Variants in JAKMIP1 observed in about 807,000 individuals in gnomAD.
JAKMIP1 encodes janus kinase and microtubule interacting protein 1, also known as janus kinase and microtubule-interacting protein 1.
Under a neutral mutation model 113.0 loss-of-function variants are expected in JAKMIP1, and 33 were observed. That is an observed-to-expected ratio of 0.29 (90% CI 0.22 to 0.39). The LOEUF (loss-of-function observed/expected upper bound fraction) is 0.39. Among genes scored for constraint, JAKMIP1 ranks in the 10% least tolerant of loss-of-function variants. The pLI is 1.00. For missense variants in JAKMIP1, 813 were observed against 1,080.5 expected (o/e 0.75, Z 3.47); for synonymous variants, 480 against 459.9 (o/e 1.04, Z -0.56).
intron 1 of JAKMIP1, among the ~76,000 whole-genome samples, chr4:6,126,559 C>T (rs1370345811): frequency 6.7e-6 from 1 of 148,888 alleles, no homozygotes; most frequent in Non-Finnish European, 1.5e-5. Context: ...AAACACACAC[C>T]ATGCAGAAAC....
At chr4:6,054,599 C>T (rs545235111) in intron 12 of JAKMIP1, 34 of 381,210 alleles carry the variant, frequency 8.9e-5, no homozygotes, top group Non-Finnish European at 1.6e-4. Flanking sequence ...GCAGGGAGGG[C>T]CCCTCCTGCT....
At chr4:6,103,480 G>T (rs545147929) in intron 3 of JAKMIP1, among the ~76,000 whole-genome samples, 6 of 152,286 alleles carry the variant, frequency 3.9e-5, no homozygotes, top group South Asian at 2.1e-4. Flanking sequence ...ATCCTGTAAT[G>T]TTATTGCTTT....
chr4:6,195,169 G>A (rs561736867), intron 1 of JAKMIP1, among the ~76,000 whole-genome samples: 6 of 152,318 alleles, frequency 3.9e-5, no homozygotes, highest in East Asian at 1.9e-4. Flanking sequence ...TGGCAGAGCC[G>A]GTGCTCAAAC....
intron 2 of JAKMIP1, among the ~76,000 whole-genome samples, chr4:6,110,499 G>A (rs920217844): frequency 2.0e-5 from 3 of 150,662 alleles, no homozygotes; most frequent in Non-Finnish European, 4.4e-5. Flanking sequence ...CCAGCCCTTG[G>A]CTTGCTCACC....
intron 1 of JAKMIP1, among the ~76,000 whole-genome samples, chr4:6,182,322 T>C (rs1338907112): frequency 1.4e-5 from 2 of 147,818 alleles, no homozygotes; most frequent in African/African-American, 5.0e-5. Flanking sequence ...GGTGGGAGGA[T>C]CACTTGAGCC....
At chr4:6,098,700 G>T (rs1712411879) in intron 3 of JAKMIP1, among the ~76,000 whole-genome samples, 1 of 14,374 alleles carries the variant, frequency 7.0e-5, no homozygotes, top group Admixed American at 1.2e-3. Context: ...AAGAAAGAAA[G>T]AAAGAAAGAA....
In JAKMIP1 at chr4:6,157,810, G is replaced by T. The variant is rs1016245029; in HGVS notation, c.-148+42443C>A. Reference sequence around the variant, plus strand: ...GGTGTGAGTGAGGGACCGTAGAGTCGAGAATTCTGATGAAAAAACTTAAAT... The same window carrying T: ...GGTGTGAGTGAGGGACCGTAGAGTCTAGAATTCTGATGAAAAAACTTAAAT... On this transcript the variant is annotated intron_variant, in intron 1 of 20. Coordinates refer to ENST00000409021, the MANE Select transcript of JAKMIP1 (RefSeq NM_001099433.2). This position sits in a 1 kb window ranked among gnomAD's most constrained non-coding sequence, Gnocchi z 4.7. 2.6e-5 allele frequency among the ~76,000 whole-genome samples: 4 copies of T among 152,172 alleles called. No individual in the cohort carries two copies.
chr4:6,170,685 TGTCACCCTCCTTAACACCATCACC>T (rs1724473017), intron 1 of JAKMIP1, among the ~76,000 whole-genome samples: 1 of 144,708 alleles, frequency 6.9e-6, no homozygotes, highest in Non-Finnish European at 1.5e-5. Context: ...TCACCTCCAC[TGTCACCCTCCTTAACACCATCACC>T]ACCACCATCC....
At chr4:6,107,413 C>T (rs1258867814) in intron 2 of JAKMIP1, among the ~76,000 whole-genome samples, 1 of 152,168 alleles carries the variant, frequency 6.6e-6, no homozygotes. Context: ...CTTGGCTGGG[C>T]CACAATGCCC....
rs547559982 is a variant in JAKMIP1 at position 6,077,475 on chromosome 4, T to A, written c.1302+1464A>T. ...CTCTAGAACTGTAAGATAATACATTTCCTTTCCTTTTTTTTTTTTTTTTTT... is the reference window on the plus strand; with the variant it reads ...CTCTAGAACTGTAAGATAATACATTACCTTTCCTTTTTTTTTTTTTTTTTT... On this transcript the variant is annotated intron_variant, in intron 8 of 20. Transcript: ENST00000409021. 2.8e-5 allele frequency among the ~76,000 whole-genome samples: 4 copies of A among 141,518 alleles called. No homozygotes were observed. The South Asian group carries it at 9.2e-4, about 32-fold the overall frequency. 92.8% of individuals were successfully genotyped at this position (141,518 alleles called of 152,430 possible).
intron 2 of JAKMIP1, among the ~76,000 whole-genome samples, chr4:6,107,960 CA>C (rs747919802): frequency 4.6e-5 from 7 of 152,074 alleles, no homozygotes; most frequent in Non-Finnish European, 8.8e-5. Context: ...CTTTCTGCAT[CA>C]GGGGTGGGCA....
At chr4:6,027,014 T>G (rs1004241574) in intron 20 of JAKMIP1, among the ~76,000 whole-genome samples, 1 of 151,926 alleles carries the variant, frequency 6.6e-6, no homozygotes, top group Non-Finnish European at 1.5e-5. Flanking sequence ...GGGTTCTTTC[T>G]TCCAAGAGAG....
chr4:6,045,878 A>C (rs1482722858), intron 16 of JAKMIP1, among the ~76,000 whole-genome samples: 4 of 152,198 alleles, frequency 2.6e-5, no homozygotes, highest in African/African-American at 9.7e-5. Flanking sequence ...TCAAAAAAAA[A>C]AATTAATGCC....
intron 1 of JAKMIP1, among the ~76,000 whole-genome samples, chr4:6,151,049 T>C (rs901463067): frequency 6.6e-5 from 10 of 152,120 alleles, no homozygotes; most frequent in Non-Finnish European, 1.3e-4. Flanking sequence ...GCCCCCGCCA[T>C]ACCTTCCCCA....
intron 1 of JAKMIP1, among the ~76,000 whole-genome samples, chr4:6,117,319 G>A (rs116667295): frequency 0.013 from 1,915 of 152,262 alleles, 21 homozygotes; most frequent in Non-Finnish European, 0.02. Flanking sequence ...AAAGCTGGGC[G>A]TCCGGGGGAG....
intron 8 of JAKMIP1, among the ~76,000 whole-genome samples, chr4:6,073,964 C>A (rs921209707): frequency 3.3e-5 from 5 of 152,242 alleles, no homozygotes; most frequent in Admixed American, 6.5e-5. Context: ...TGGCCAGAGG[C>A]CCAGGTCCTG....
At chr4:6,046,855 A>G (rs771414622) in intron 16 of JAKMIP1, among the ~76,000 whole-genome samples, 2 of 152,158 alleles carry the variant, frequency 1.3e-5, no homozygotes, top group African/African-American at 2.4e-5. Context: ...GAGGGCTGCT[A>G]TCACTGAGGC....
In JAKMIP1 at chr4:6,044,493, C is replaced by T. The variant is rs149253030; in HGVS notation, c.2029-2266G>A. On this transcript the variant is annotated intron_variant, in intron 16 of 20. Coordinates refer to ENST00000409021, the MANE Select transcript of JAKMIP1 (RefSeq NM_001099433.2). The surrounding 1 kb of genome is among the most constrained non-coding windows in gnomAD (Gnocchi z 4.4). ...AGCACCCAGCACCCTGTGCCAGCCG[C>T]GGTGGCCAGCACTTCCTCAAACAAG... 8.0e-4 allele frequency among the ~76,000 whole-genome samples: 121 copies of T among 151,728 alleles called. No homozygotes were observed. Among genetic ancestry groups the T allele is most frequent in the Middle Eastern group, 3.4e-3 (1 of 292 alleles).
At chr4:6,131,752 C>T (rs1262596833) in intron 1 of JAKMIP1, among the ~76,000 whole-genome samples, 5 of 152,194 alleles carry the variant, frequency 3.3e-5, no homozygotes, top group South Asian at 2.1e-4. Context: ...TTAATACATC[C>T]GACTTCCCTG....
Sources: allele counts gnomAD v4.1 joint callset (sites outside exome capture counted in the v4.1 genomes callset), GRCh38; gene constraint gnomAD v4.1.1; non-coding constraint Gnocchi (gnomAD v3.1); transcripts MANE v1.5; gene names NCBI Gene and HGNC (gene_info 2026-07-23, HGNC 2026-07-21).